The following FBXL5 variants were observed in gnomAD, a reference collection of about 807,000 sequenced individuals.
The protein encoded by FBXL5 is F-box/LRR-repeat protein 5.
A neutral mutation model predicts 78.3 loss-of-function variants in FBXL5; 26 were observed. That is an observed-to-expected ratio of 0.33 (90% confidence interval 0.24 to 0.46). The LOEUF is 0.46. FBXL5 is among the 20% of genes least tolerant of loss of function. The pLI, the probability that FBXL5 is intolerant of heterozygous loss-of-function variation, is 1.00. For synonymous variants in FBXL5, 295 were observed against 282.5 expected (o/e 1.04, Z -0.45); for missense variants, 710 against 829.2 (o/e 0.86, Z 1.77).
At chr4:15,606,627 A>G (rs892099135) in intron 10 of FBXL5, among the ~76,000 whole-genome samples, 1 of 152,242 alleles carries the variant, frequency 6.6e-6, no homozygotes, top group African/African-American at 2.4e-5. Context: ...AGATTGTTTC[A>G]ACTATATTGA....
intron 10 of FBXL5, among the ~76,000 whole-genome samples, chr4:15,609,603 A>G (rs1722105350): frequency 6.6e-6 from 1 of 152,036 alleles, no homozygotes; most frequent in Non-Finnish European, 1.5e-5. Context: ...AAAAAAGTTT[A>G]TTTGCTATCA....
chr4:15,648,955 C>T, intron 1 of FBXL5, among the ~76,000 whole-genome samples: 1 of 152,022 alleles, frequency 6.6e-6, no homozygotes, highest in Non-Finnish European at 1.5e-5. Flanking sequence ...TATATCAAAG[C>T]ATTGCATTGT....
chr4:15,621,198 A>G (rs373713840), intron 9 of FBXL5, among the ~76,000 whole-genome samples: 1 of 152,168 alleles, frequency 6.6e-6, no homozygotes, highest in Non-Finnish European at 1.5e-5. Context: ...GCACGACCTT[A>G]TATGTAGAAA....
At chr4:15,617,485 T>C (rs1004716295) in intron 9 of FBXL5, among the ~76,000 whole-genome samples, 3 of 149,378 alleles carry the variant, frequency 2.0e-5, no homozygotes, top group Admixed American at 6.6e-5. Context: ...GAGGTGGAGG[T>C]TGCAGTGAGC....
chr4:15,633,879 G>A (rs538709806), intron 5 of FBXL5, among the ~76,000 whole-genome samples: 2 of 152,276 alleles, frequency 1.3e-5, no homozygotes, highest in African/African-American at 4.8e-5. Context: ...GGAGATTACA[G>A]GCGTGAGCCA....
At chr4:15,618,758 C>T (rs372958235) in intron 9 of FBXL5, among the ~76,000 whole-genome samples, 6 of 152,246 alleles carry the variant, frequency 3.9e-5, no homozygotes, top group African/African-American at 1.4e-4. Flanking sequence ...AGGAAAATCG[C>T]TAGAGCCCAG....
rs202154896 is a variant in FBXL5 at position 15,665,245 on chromosome 4, CAT to C, written c.-283-5325_-283-5324del. On this transcript the variant is annotated intron_variant, in intron 1 of 4. Transcript: ENST00000507899. The stretch of plus-strand genomic sequence containing the variant: ...GTTCCAGTGGCGGGTTGTTTCAACT[CAT>C]GTGTTTACGTGAAGTAGCCGTCAAC... Among the ~76,000 whole-genome samples, 808 of 152,182 alleles carry C rather than the reference CAT, an allele frequency of 5.3e-3. 6 individuals carry two copies. Among genetic ancestry groups the C allele is most frequent in the African/African-American group, 0.016 (661 of 41,496 alleles).
At position 15,655,204 on chromosome 4, in the gene FBXL5, C is replaced by T; in HGVS notation, c.84G>A (p.Lys28=). The T allele has an allele frequency of 3.5e-6, 5 of 1,418,814 alleles. No homozygotes were observed. The highest frequency in any genetic ancestry group is 4.7e-6 in the Non-Finnish European group (5 of 1,063,808). 87.9% of individuals were successfully genotyped at this position (1,418,814 alleles called of 1,614,324 possible). ...AGCGGGAGGCTCAGCGCTCCGTTACCTTGTCGCAGTAGAGCCCCACCAGCT... is the reference window on the plus strand; with the variant it reads ...AGCGGGAGGCTCAGCGCTCCGTTACTTTGTCGCAGTAGAGCCCCACCAGCT... ...MKQLVGLYCD[K]LSKTNFSNNN... is the part of the protein sequence containing the mutation. Residue 28 remains lysine (K), a splice_region_variant and synonymous_variant, in exon 1 of 11, where the codon AAG becomes AAA. Transcript: ENST00000341285.
chr4:15,671,297 A>G (rs1033600131), intron 1 of FBXL5, among the ~76,000 whole-genome samples: 1 of 152,082 alleles, frequency 6.6e-6, no homozygotes, highest in African/African-American at 2.4e-5. Flanking sequence ...CTGGCTTCTC[A>G]AATTGTTCCC....
chr4:15,651,547 C>T (rs1716045037), intron 1 of FBXL5, among the ~76,000 whole-genome samples: 1 of 152,056 alleles, frequency 6.6e-6, no homozygotes, highest in Admixed American at 6.6e-5. Flanking sequence ...TTCTCAAATG[C>T]CAGTCAATAA....
intron 9 of FBXL5, among the ~76,000 whole-genome samples, chr4:15,615,825 C>A (rs894279591): frequency 2.0e-5 from 3 of 151,966 alleles, no homozygotes; most frequent in Non-Finnish European, 2.9e-5. Flanking sequence ...GTGGGTGGGG[C>A]CAGATAAGAG....
chr4:15,637,410 TAA>T (rs1200792961), intron 4 of FBXL5, among the ~76,000 whole-genome samples: 2 of 152,192 alleles, frequency 1.3e-5, no homozygotes, highest in African/African-American at 4.8e-5. Flanking sequence ...ATAAAAAATA[TAA>T]AAGATTCATC....
intron 1 of FBXL5, among the ~76,000 whole-genome samples, chr4:15,650,651 AACTG>A (rs796515759): frequency 1.1e-4 from 17 of 147,876 alleles, no homozygotes; most frequent in African/African-American, 2.7e-4. Flanking sequence ...AAGGATTTAT[AACTG>A]ACTTTCTTTT....
In FBXL5 at chr4:15,638,604, C is replaced by A; in HGVS notation, c.487G>T (p.Asp163Tyr). 5.0e-6 allele frequency: 8 copies of A among 1,613,410 alleles called. No individual in the cohort carries two copies. The highest frequency in any genetic ancestry group is 1.7e-5 in the Admixed American group (1 of 59,980). ...KVIAQHCSQKDTAELLRGLSL... is the reference protein window; with the variant it reads ...KVIAQHCSQKYTAELLRGLSL... ...AGACCTCTAAGGAGTTCTGCAGTAT[C>A]CTTCTGAGAGCAGTGTTGTGCAATC... The change falls in exon 4 of 11, where the codon GAT becomes TAT. Residue 163 changes from aspartate (D) to tyrosine (Y), a missense_variant. Around this residue, in one of 4 missense-constraint regions of FBXL5, gnomAD observed 517 missense variants for 542.9 expected, o/e 0.95. Transcript: ENST00000341285.
At chr4:15,651,211 G>A (rs1716000825) in intron 1 of FBXL5, among the ~76,000 whole-genome samples, 1 of 152,104 alleles carries the variant, frequency 6.6e-6, no homozygotes, top group Admixed American at 6.6e-5. Flanking sequence ...AAAAAATGAT[G>A]ACCCACAGGT....
At chr4:15,649,976 C>T (rs1427241441) in intron 1 of FBXL5, among the ~76,000 whole-genome samples, 3 of 152,138 alleles carry the variant, frequency 2.0e-5, no homozygotes, top group Admixed American at 6.5e-5. Context: ...ATTAATAAAG[C>T]TATCTTTTCA....
At chr4:15,655,404 G>C, upstream of FBXL5, 1 of 1,021,220 alleles carries the variant, frequency 9.8e-7, no homozygotes, top group Non-Finnish European at 1.2e-6. Context: ...GTCGGCGCGC[G>C]CGCCCGGTCG....
chr4:15,679,209 C>T (rs1418862230), intron 1 of FBXL5, among the ~76,000 whole-genome samples: 4 of 151,832 alleles, frequency 2.6e-5, no homozygotes, highest in African/African-American at 4.8e-5. Flanking sequence ...ATTATAGGCA[C>T]GTGCCACCAC....
chr4:15,645,679 G>A (rs918756561), intron 1 of FBXL5, among the ~76,000 whole-genome samples: 2 of 151,646 alleles, frequency 1.3e-5, no homozygotes, highest in Non-Finnish European at 2.9e-5. Flanking sequence ...CACCCGCCTC[G>A]GCCTCCCAAA....
Sources: gnomAD v4.1 joint callset for allele counts (sites outside exome capture counted in the v4.1 genomes callset) on GRCh38, gnomAD v4.1.1 for gene constraint, gnomAD v4.1.1 regional missense constraint, MANE v1.5 for transcripts, NCBI Gene and HGNC (gene_info 2026-07-23, HGNC 2026-07-21) for gene names.